Variants in SCML2 observed in about 807,000 individuals in gnomAD.
SCML2 encodes the protein Scm polycomb group protein like 2.
A neutral mutation model predicts 48.4 loss-of-function variants in SCML2; 6 were observed. The ratio of observed to expected loss-of-function variants is 0.12; its 90% CI spans 0.07 to 0.24. The LOEUF (loss-of-function observed/expected upper bound fraction) is 0.24. SCML2 is among the 10% of genes least tolerant of loss of function. The probability of loss-of-function intolerance (pLI) is 1.00; values close to 1 mark genes in which losing one functional copy is unlikely to be tolerated. For synonymous variants in SCML2, 181 were observed against 189.5 expected (o/e 0.95, Z 0.37); for missense variants, 377 against 528.2 (o/e 0.71, Z 2.81).
intron 11 of SCML2, 109 bp downstream of exon 11, chrX:18,256,739 A>T: frequency 1.7e-6 from 1 of 584,518 alleles, no homozygotes; most frequent in Non-Finnish European, 2.6e-6. Context: ...ATACATTTCT[A>T]ATTAGTTCAC....
At chrX:18,260,336 T>C in intron 8 of SCML2, 45 bp from the exon 9 acceptor site, 9 of 959,718 alleles carry the variant, frequency 9.4e-6, no homozygotes, top group Non-Finnish European at 1.3e-5. Context: ...CAATACTCAT[T>C]AATATATTCT....
In SCML2 at chrX:18,247,860, C is replaced by T; in HGVS notation, c.1479G>A (p.Arg493=). Residue 493 remains arginine (R), a synonymous_variant, in exon 12 of 15, where the codon AGG becomes AGA. Transcript: ENST00000251900. The part of the protein sequence containing the change: ...NQSAKEDVTE[R]QSTKRSPQQT... ...GCTGAGGAGATCGTTTGGTGCTTTGCCTTTCTGTTACATCTTCTTTTGCTG... is the reference window on the plus strand; with the variant it reads ...GCTGAGGAGATCGTTTGGTGCTTTGTCTTTCTGTTACATCTTCTTTTGCTG... The T allele has an allele frequency of 8.3e-7, 1 of 1,208,051 alleles. No homozygotes were observed. Among genetic ancestry groups the T allele is most frequent in the South Asian group, 1.8e-5 (1 of 56,744 alleles).
chrX:18,279,901 T>G (rs1316488125), intron 7 of SCML2, among the ~76,000 whole-genome samples: 1 of 112,073 alleles, frequency 8.9e-6, no homozygotes, highest in Non-Finnish European at 1.9e-5. Context: ...TCACTAGCAT[T>G]TCTGAGAGAG....
intron 7 of SCML2, among the ~76,000 whole-genome samples, chrX:18,297,262 C>T (rs959668290): frequency 6.2e-5 from 7 of 112,145 alleles, no homozygotes; most frequent in African/African-American, 1.9e-4. Flanking sequence ...ATGACAAAAC[C>T]ACAGCTAACA....
intron 7 of SCML2, among the ~76,000 whole-genome samples, chrX:18,297,944 A>G (rs907587888): frequency 4.5e-5 from 5 of 111,566 alleles, no homozygotes; most frequent in Admixed American, 9.5e-5. Flanking sequence ...AGGAGGTGGA[A>G]GCTGTATTGA....
chrX:18,344,113 C>T (rs1385985026), intron 1 of SCML2, among the ~76,000 whole-genome samples: 3 of 109,637 alleles, frequency 2.7e-5, no homozygotes, highest in Admixed American at 2.0e-4. Flanking sequence ...GCAGGAGGAT[C>T]GCTTGAGCCC....
At chrX:18,319,218 C>T (rs756286610) in intron 6 of SCML2, among the ~76,000 whole-genome samples, 6 of 111,174 alleles carry the variant, frequency 5.4e-5, no homozygotes, top group African/African-American at 2.0e-4. Context: ...TGGCGAGACC[C>T]CGTCTCTACT....
At chrX:18,249,989 T>C (rs1213499867) in intron 11 of SCML2, among the ~76,000 whole-genome samples, 2 of 111,134 alleles carry the variant, frequency 1.8e-5, no homozygotes, top group Non-Finnish European at 3.8e-5. Context: ...ACACAGACTT[T>C]ACAGAATTAG....
chrX:18,314,544 T>C (rs1929053876), intron 6 of SCML2, among the ~76,000 whole-genome samples: 1 of 111,926 alleles, frequency 8.9e-6, no homozygotes, highest in South Asian at 3.7e-4. Flanking sequence ...TACTCAAATT[T>C]CCCAGAGACA....
intron 11 of SCML2, among the ~76,000 whole-genome samples, chrX:18,254,058 AC>A (rs1036398514): frequency 2.7e-5 from 3 of 112,081 alleles, no homozygotes; most frequent in African/African-American, 9.7e-5. Context: ...CTTCTAGGGT[AC>A]TAGTAATAGC....
At chrX:18,345,415 C>T (rs1930166538) in intron 1 of SCML2, among the ~76,000 whole-genome samples, 1 of 110,195 alleles carries the variant, frequency 9.1e-6, no homozygotes, top group Non-Finnish European at 1.9e-5. Context: ...TTTTTTGAAA[C>T]AGGGTCTCTC....
At chrX:18,278,780 C>G (rs1927730170) in intron 7 of SCML2, among the ~76,000 whole-genome samples, 1 of 113,027 alleles carries the variant, frequency 8.8e-6, no homozygotes, top group Non-Finnish European at 1.9e-5. Context: ...CCCAGCACAG[C>G]TGGAACCTGA....
At chrX:18,312,590 C>A (rs1341161816) in intron 6 of SCML2, among the ~76,000 whole-genome samples, 3 of 109,599 alleles carry the variant, frequency 2.7e-5, no homozygotes, top group Non-Finnish European at 3.8e-5. Context: ...AGATGCAGAA[C>A]CCGAGGATAT....
At chrX:18,306,055 T>C (rs1928745924) in intron 6 of SCML2, among the ~76,000 whole-genome samples, 1 of 111,322 alleles carries the variant, frequency 9.0e-6, no homozygotes, top group Non-Finnish European at 1.9e-5. Context: ...TGACACTTGT[T>C]CAAATTAAAA....
chrX:18,250,935 C>T (rs1338034951), intron 11 of SCML2, among the ~76,000 whole-genome samples: 4 of 109,831 alleles, frequency 3.6e-5, no homozygotes, highest in Non-Finnish European at 5.7e-5. Flanking sequence ...TGGCAGCAGG[C>T]GGAAGTGCAG....
At chrX:18,245,409 G>C (rs756339250) in intron 13 of SCML2, among the ~76,000 whole-genome samples, 5 of 112,107 alleles carry the variant, frequency 4.5e-5, no homozygotes, top group Non-Finnish European at 9.4e-5. Flanking sequence ...ACTTTAAAAT[G>C]CAAGGTATAC....
At position 18,282,221 on chromosome X, in the gene SCML2, C is replaced by G. The variant is rs190263915; in HGVS notation, c.731-16419G>C. Among the ~76,000 whole-genome samples the G allele has an allele frequency of 2.6e-3, 293 of 110,742 alleles. 2 individuals carry two copies. The highest frequency in any genetic ancestry group is 8.9e-3 in the African/African-American group (271 of 30,473). ...GCAAAAATAAACATGATTGATAGAC[C>G]ACTAGCTAGGTTAACAAAGAAAAAA... On this transcript the variant is annotated intron_variant, in intron 7 of 14. Transcript: ENST00000251900.
chrX:18,287,498 G>A (rs1928095248), intron 7 of SCML2, among the ~76,000 whole-genome samples: 1 of 111,287 alleles, frequency 9.0e-6, no homozygotes, highest in Non-Finnish European at 1.9e-5. Flanking sequence ...TAAGGTTACT[G>A]GAATCTTGCA....
At chrX:18,349,359 A>C (rs1930300148) in intron 1 of SCML2, among the ~76,000 whole-genome samples, 1 of 112,642 alleles carries the variant, frequency 8.9e-6, no homozygotes, top group Admixed American at 9.4e-5. Flanking sequence ...TATAAGTTTT[A>C]ACTCTTCAAA....
Sources: allele counts gnomAD v4.1 joint callset (sites outside exome capture counted in the v4.1 genomes callset), GRCh38; gene constraint gnomAD v4.1.1; transcripts MANE v1.5; gene names NCBI Gene and HGNC (gene_info 2026-07-23, HGNC 2026-07-21).